PTPRN2: variants seen among roughly 807,000 people sequenced by gnomAD.
The protein encoded by PTPRN2 is protein tyrosine phosphatase receptor type N2.
In PTPRN2, 74 loss-of-function variants were observed where a neutral mutation model predicts 118.8. The ratio of observed to expected loss-of-function variants is 0.62; its 90% CI spans 0.52 to 0.76. The LOEUF (loss-of-function observed/expected upper bound fraction) is 0.76. Ranked by LOEUF, PTPRN2 falls within the 30% of genes least tolerant of loss-of-function variation. The pLI, the probability that PTPRN2 is intolerant of heterozygous loss-of-function variation, is 0.00. For missense variants in PTPRN2, 1,481 were observed against 1,394.4 expected (o/e 1.06, Z -0.99); for synonymous variants, 641 against 608.0 (o/e 1.05, Z -0.80).
At chr7:157,823,652 C>A (rs1028218403) in intron 12 of PTPRN2, among the ~76,000 whole-genome samples, 2 of 152,206 alleles carry the variant, frequency 1.3e-5, no homozygotes, top group African/African-American at 4.8e-5. Flanking sequence ...CAGGTTAGAT[C>A]ATCAAGTTCA....
chr7:158,171,189 CAT>C (rs1458428928), intron 5 of PTPRN2, among the ~76,000 whole-genome samples: 6 of 136,554 alleles, frequency 4.4e-5, no homozygotes, highest in African/African-American at 1.7e-4. Flanking sequence ...TATATACACA[CAT>C]ACATATATAT....
intron 6 of PTPRN2, among the ~76,000 whole-genome samples, chr7:158,163,960 C>A (rs1248692606): frequency 1.3e-5 from 2 of 152,158 alleles, no homozygotes; most frequent in African/African-American, 4.8e-5. Flanking sequence ...TTCCTATTTG[C>A]CGTTTTACAT....
At chr7:157,972,065 G>A (rs1274925342) in intron 11 of PTPRN2, among the ~76,000 whole-genome samples, 3 of 152,180 alleles carry the variant, frequency 2.0e-5, no homozygotes, top group Non-Finnish European at 4.4e-5. Context: ...GGCAAATCGT[G>A]CGCTGCCTCA....
chr7:158,006,516 G>A (rs528540950), intron 11 of PTPRN2, among the ~76,000 whole-genome samples: 25 of 152,336 alleles, frequency 1.6e-4, no homozygotes, highest in Admixed American at 1.2e-3. Context: ...CCCAGCGCCA[G>A]GCAAAGATCT....
At chr7:157,878,551 G>A (rs1262783545) in intron 12 of PTPRN2, among the ~76,000 whole-genome samples, 2 of 149,002 alleles carry the variant, frequency 1.3e-5, no homozygotes, top group Non-Finnish European at 1.5e-5. Flanking sequence ...GGGTCAGTGT[G>A]ATACCGTGCA....
At chr7:157,705,179 G>A (rs899864176) in intron 12 of PTPRN2, among the ~76,000 whole-genome samples, 9 of 152,134 alleles carry the variant, frequency 5.9e-5, no homozygotes, top group Non-Finnish European at 1.0e-4. Flanking sequence ...GGTGGCATGC[G>A]CCTGTAGTCC....
intron 2 of PTPRN2, among the ~76,000 whole-genome samples, chr7:158,351,943 ACCG>A (rs1807991622): frequency 1.0e-4 from 1 of 9,824 alleles, no homozygotes; most frequent in Non-Finnish European, 2.2e-4. Flanking sequence ...TCCCCTCCTG[ACCG>A]CTCCCCTCCT....
At chr7:157,911,234 C>A (rs58643122) in intron 11 of PTPRN2, among the ~76,000 whole-genome samples, 14,122 of 152,226 alleles carry the variant, frequency 0.093, 2,113 homozygotes, top group African/African-American at 0.31. Flanking sequence ...CATGGAGAAA[C>A]GTCTGCATGG....
rs1019664008 is a variant in PTPRN2 at position 157,780,768 on chromosome 7, C to G, written c.1789-97831G>C. Among the ~76,000 whole-genome samples the G allele has an allele frequency of 6.6e-6, 1 of 152,194 alleles. No individual in the cohort carries two copies. Among genetic ancestry groups the G allele is most frequent in the Non-Finnish European group, 1.5e-5 (1 of 68,032 alleles). On this transcript the variant is annotated intron_variant, in intron 12 of 22. Coordinates refer to ENST00000389418, the MANE Select transcript of PTPRN2 (RefSeq NM_002847.5). This position sits in a 1 kb window ranked among gnomAD's most constrained non-coding sequence, Gnocchi z 4.5. ...CTTGACACTGTTGCTTGCATGTGCC[C>G]CCGGGCCAAGGTGGACGAGCTCTCC...
Position 157,881,140 on chromosome 7 carries a change from G to C in PTPRN2, c.1788+17533C>G, listed in dbSNP as rs116453402. ...ATTATGATAAAATGAAGTCATGAGG[G>C]TATGTGGAGATGGAGGTGTTTACAG... On this transcript the variant is annotated intron_variant, in intron 12 of 22. Coordinates refer to ENST00000389418, the MANE Select transcript of PTPRN2 (RefSeq NM_002847.5). This position sits in a 1 kb window ranked among gnomAD's most constrained non-coding sequence, Gnocchi z 4.7. Among the ~76,000 whole-genome samples, 5 of 148,778 alleles carry C rather than the reference G, an allele frequency of 3.4e-5. No individual in the cohort carries two copies. Among genetic ancestry groups the C allele is most frequent in the African/African-American group, 1.3e-4 (5 of 38,384 alleles).
At chr7:157,993,621 C>G (rs547245384) in intron 11 of PTPRN2, among the ~76,000 whole-genome samples, 1 of 152,152 alleles carries the variant, frequency 6.6e-6, no homozygotes, top group Non-Finnish European at 1.5e-5. Flanking sequence ...TGTCCTGTCC[C>G]TGAGTCCCCG....
intron 2 of PTPRN2, among the ~76,000 whole-genome samples, chr7:158,445,257 C>T (rs933928510): frequency 1.3e-5 from 2 of 152,206 alleles, no homozygotes; most frequent in Admixed American, 6.5e-5. Flanking sequence ...GTGTGGCTGA[C>T]TCGGCCCTGA....
chr7:157,792,990 CA>C, intron 12 of PTPRN2, among the ~76,000 whole-genome samples: 1 of 152,302 alleles, frequency 6.6e-6, no homozygotes, highest in Admixed American at 6.5e-5. Flanking sequence ...TGGGATTAAT[CA>C]GCAGTGATGA....
chr7:158,224,413 T>G (rs959142225), intron 3 of PTPRN2, among the ~76,000 whole-genome samples: 2 of 152,098 alleles, frequency 1.3e-5, no homozygotes, highest in African/African-American at 2.4e-5. Context: ...TACAATAGAA[T>G]AGAAAACCCA....
intron 11 of PTPRN2, among the ~76,000 whole-genome samples, chr7:157,909,371 G>T (rs748221300): frequency 3.9e-4 from 59 of 152,332 alleles, no homozygotes; most frequent in Non-Finnish European, 6.9e-4. Context: ...CTGGACAGGG[G>T]CTGACTCTAT....
rs540104956 is a variant in PTPRN2 at position 158,459,109 on chromosome 7, G to A, written c.163+30626C>T. Among the ~76,000 whole-genome samples the A allele has an allele frequency of 9.1e-4, 138 of 152,276 alleles. 1 individual carries two copies. Among genetic ancestry groups the A allele is most frequent in the Middle Eastern group, 3.4e-3 (1 of 294 alleles). On this transcript the variant is annotated intron_variant, in intron 2 of 22. Coordinates refer to ENST00000389418, the MANE Select transcript of PTPRN2 (RefSeq NM_002847.5). ...GGACTTGCTGCACACACAGGGCCAC[G>A]AGGACTTTGGGACCACACGTGCTGA...
chr7:158,584,421 CAA>C (rs1828808872), intron 1 of PTPRN2, among the ~76,000 whole-genome samples: 1 of 152,164 alleles, frequency 6.6e-6, no homozygotes, highest in Non-Finnish European at 1.5e-5. Flanking sequence ...GAGGAAAACT[CAA>C]AGACTGAAGC....
intron 1 of PTPRN2, among the ~76,000 whole-genome samples, chr7:158,491,262 G>C (rs1213319100): frequency 6.6e-6 from 1 of 152,198 alleles, no homozygotes; most frequent in Non-Finnish European, 1.5e-5. Flanking sequence ...TTCCACAGTT[G>C]CAGGGCGGCC....
intron 2 of PTPRN2, among the ~76,000 whole-genome samples, chr7:158,404,508 C>T (rs570972384): frequency 6.6e-6 from 1 of 152,164 alleles, no homozygotes; most frequent in African/African-American, 2.4e-5. Context: ...AGGACGGGGG[C>T]TCCCCAGGGG....
Sources: allele counts gnomAD v4.1 joint callset (sites outside exome capture counted in the v4.1 genomes callset), GRCh38; gene constraint gnomAD v4.1.1; non-coding constraint Gnocchi (gnomAD v3.1); transcripts MANE v1.5; gene names NCBI Gene and HGNC (gene_info 2026-07-23, HGNC 2026-07-21).